Variants in ITPRIPL2 observed in about 807,000 individuals in gnomAD.
ITPRIPL2 encodes ITPRIP like 2.
In ITPRIPL2, 29 loss-of-function variants were observed where a neutral mutation model predicts 31.7. The observed-to-expected ratio is 0.91, with a 90% CI of 0.68 to 1.25. The LOEUF is 1.25. Among genes scored for constraint, ITPRIPL2 ranks in the 50% most tolerant of loss-of-function variants. The probability of loss-of-function intolerance (pLI) is 0.00; values close to 1 mark genes in which losing one functional copy is unlikely to be tolerated. For missense variants in ITPRIPL2, 696 were observed against 739.1 expected (o/e 0.94, Z 0.68); for synonymous variants, 344 against 343.4 (o/e 1.00, Z -0.02).
Position 19,119,356 on chromosome 16 carries a change from G to C in ITPRIPL2, c.*3287G>C. Reference sequence around the variant, plus strand: ...TTAGTGCTATTTCCAACCAGGGGTCGCAAACTCAGCAGCCTGTAGAAACAG... The same window carrying C: ...TTAGTGCTATTTCCAACCAGGGGTCCCAAACTCAGCAGCCTGTAGAAACAG... On this transcript the variant is annotated 3_prime_UTR_variant, in exon 1 of 1. Coordinates refer to ENST00000381440, the MANE Select transcript of ITPRIPL2 (RefSeq NM_001034841.4). The C allele has an allele frequency of 3.7e-6, 1 of 267,660 alleles. No individual in the cohort carries two copies. The highest frequency in any genetic ancestry group is 7.0e-5 in the East Asian group (1 of 14,218). 16.6% of individuals were successfully genotyped at this position (267,660 alleles called of 1,614,324 possible). A position where few individuals can be genotyped will look rare whatever the true frequency, so the allele number is the denominator to read the frequency against.
Position 19,114,975 on chromosome 16 carries a change from G to A in ITPRIPL2, c.514G>A (p.Asp172Asn), listed in dbSNP as rs1325570480. 1 of 1,602,000 alleles carries A rather than the reference G, an allele frequency of 6.2e-7. No homozygotes were observed. The highest frequency in any genetic ancestry group is 1.1e-5 in the South Asian group (1 of 91,068). The change falls in exon 1 of 1, where the codon GAC becomes AAC. Residue 172 changes from aspartate to asparagine, a missense_variant. Asp to Asn is a conservative substitution (Grantham distance 23, BLOSUM62 1). Coordinates refer to ENST00000381440, the MANE Select transcript of ITPRIPL2 (RefSeq NM_001034841.4). Reference protein sequence around the residue: ...AYEQHKIRRPDSFDVLVPLRL... With the variant: ...AYEQHKIRRPNSFDVLVPLRL... ...CGAGCAACATAAAATCCGCCGGCCC[G>A]ACAGCTTCGACGTGCTGGTGCCACT...
chr16:19,115,385 T>A lies in ITPRIPL2; in HGVS notation c.924T>A (p.Arg308=). 6.2e-7 allele frequency: 1 copy of A among 1,613,002 alleles called. No homozygotes were observed. Among genetic ancestry groups the A allele is most frequent in the South Asian group, 1.1e-5 (1 of 91,084 alleles). The change falls in exon 1 of 1, where the codon CGT becomes CGA. Residue 308 remains arginine (R), a synonymous_variant. Transcript: ENST00000381440. ...GCTGCCGCCTTTCTATGGCTGTGCG[T>A]CTCATCCCCGCTGTCCATCTGGGAG... ...YGCCRLSMAV[R]LIPAVHLGDG...
chr16:19,114,382 G>C lies in ITPRIPL2; in HGVS notation c.-80G>C, dbSNP rs1310372779. On this transcript the variant is annotated 5_prime_UTR_variant, in exon 1 of 1. Coordinates refer to ENST00000381440, the MANE Select transcript of ITPRIPL2 (RefSeq NM_001034841.4). ...ACGGGGACAGCGGGGCTGCCCGGGC[G>C]CTGTGCGCATGCTGGGCTTGGGTCG... 2 of 1,100,124 alleles carry C rather than the reference G, an allele frequency of 1.8e-6. No homozygotes were observed. The highest frequency in any genetic ancestry group is 6.4e-5 in the East Asian group (2 of 31,042). 68.1% of individuals were successfully genotyped at this position (1,100,124 alleles called of 1,614,324 possible).
In ITPRIPL2 at chr16:19,118,342, G is replaced by C. The variant is rs983439890; in HGVS notation, c.*2273G>C. 1 of 165,112 alleles carries C rather than the reference G, an allele frequency of 6.1e-6. No homozygotes were observed. Among genetic ancestry groups the C allele is most frequent in the Non-Finnish European group, 1.5e-5 (1 of 68,172 alleles). The allele number at this position is 165,112 out of a possible 1,614,324, so 10.2% of individuals were successfully genotyped here. A position where few individuals can be genotyped will look rare whatever the true frequency, so the allele number is the denominator to read the frequency against. On this transcript the variant is annotated 3_prime_UTR_variant, in exon 1 of 1. Coordinates refer to ENST00000381440, the MANE Select transcript of ITPRIPL2 (RefSeq NM_001034841.4). ...TAGCTGGGCGTGGTGGCGGGCGCCT[G>C]TAATCCCAGATACTCGGGAGGCTAA...
rs532599892 is a variant in ITPRIPL2, at chr16:19,117,123, C to G, written c.*1054C>G. The G allele has an allele frequency of 3.6e-5, 6 of 167,250 alleles. No homozygotes were observed. In the East Asian group the frequency reaches 9.6e-4, roughly 27 times the overall value. 10.4% of individuals were successfully genotyped at this position (167,250 alleles called of 1,614,324 possible). A position where few individuals can be genotyped will look rare whatever the true frequency, so the allele number is the denominator to read the frequency against. On this transcript the variant is annotated 3_prime_UTR_variant, in exon 1 of 1. Coordinates refer to ENST00000381440, the MANE Select transcript of ITPRIPL2 (RefSeq NM_001034841.4). ...AACTTTTTTGTTTTAAGGTTTTTAG[C>G]AAACTCCTTCACAAAGAGATTTCTT...
At position 19,119,114 on chromosome 16, in the gene ITPRIPL2, G is replaced by T. The variant is rs992541930; in HGVS notation, c.*3045G>T. Reference sequence around the variant, plus strand: ...ACCCTTTGGTAACTCCCACTGACCAGTCTTGGGAGCCTTCCTGGAATGATC... The same window carrying T: ...ACCCTTTGGTAACTCCCACTGACCATTCTTGGGAGCCTTCCTGGAATGATC... On this transcript the variant is annotated 3_prime_UTR_variant, in exon 1 of 1. Coordinates refer to ENST00000381440, the MANE Select transcript of ITPRIPL2 (RefSeq NM_001034841.4). 3.9e-5 allele frequency: 16 copies of T among 413,382 alleles called. No individual in the cohort carries two copies. Among genetic ancestry groups the T allele is most frequent in the African/African-American group, 3.1e-4 (15 of 48,632 alleles). 25.6% of individuals were successfully genotyped at this position (413,382 alleles called of 1,614,324 possible).
In ITPRIPL2 at chr16:19,115,060, C is replaced by G; in HGVS notation, c.599C>G (p.Ala200Gly). The stretch of plus-strand genomic sequence containing the variant: ...AGCCTGGGCGAGGAGCCAGCGCTGG[C>G]CCCGGCCTTCCGCGGCTGCTTCTTG... ...PRSLGEEPAL[A>G]PAFRGCFLCA... Residue 200 changes from alanine to glycine, a missense_variant, in exon 1 of 1, where the codon GCC becomes GGC. Ala to Gly is a moderately conservative substitution (Grantham distance 60). Transcript: ENST00000381440. The G allele has an allele frequency of 6.3e-7, 1 of 1,598,210 alleles. No homozygotes were observed. The highest frequency in any genetic ancestry group is 8.5e-7 in the Non-Finnish European group (1 of 1,179,140).
chr16:19,115,652 G>T lies in ITPRIPL2; in HGVS notation c.1191G>T (p.Gln397His). The change falls in exon 1 of 1, where the codon CAG becomes CAT. Residue 397 changes from glutamine to histidine, a missense_variant. Transcript: ENST00000381440. ...ARGLDSAAATQWGRILSSYVL... is the reference protein window; with the variant it reads ...ARGLDSAAATHWGRILSSYVL... ...GGCTGGACTCAGCGGCCGCCACCCA[G>T]TGGGGACGCATCCTATCCTCATATG... The T allele has an allele frequency of 3.7e-6, 6 of 1,611,356 alleles. No individual in the cohort carries two copies. The highest frequency in any genetic ancestry group is 5.1e-6 in the Non-Finnish European group (6 of 1,179,458).
rs1963444822 is a variant in ITPRIPL2, at chr16:19,116,344, G to A, written c.*275G>A. The A allele has an allele frequency of 2.5e-6, 1 of 400,154 alleles. No homozygotes were observed. The allele number at this position is 400,154 out of a possible 1,614,324, so 24.8% of individuals were successfully genotyped here. On this transcript the variant is annotated 3_prime_UTR_variant, in exon 1 of 1. Coordinates refer to ENST00000381440, the MANE Select transcript of ITPRIPL2 (RefSeq NM_001034841.4). The stretch of plus-strand genomic sequence containing the variant: ...GGTTCAAATATTGTTCTGTGTAGAC[G>A]GATTCTGTAGAAGGATGTGGCTTTT...
Position 19,118,633 on chromosome 16 carries a change from C to A in ITPRIPL2, c.*2564C>A. The stretch of plus-strand genomic sequence containing the variant: ...GTTAATTACCCAAAGCCTCATCCAT[C>A]CTCAAGGTTTTTAAATTTTATTTTT... On this transcript the variant is annotated 3_prime_UTR_variant, in exon 1 of 1. Coordinates refer to ENST00000381440, the MANE Select transcript of ITPRIPL2 (RefSeq NM_001034841.4). The A allele has an allele frequency of 5.4e-6, 1 of 186,290 alleles. No individual in the cohort carries two copies. Among genetic ancestry groups the A allele is most frequent in the Non-Finnish European group, 1.2e-5 (1 of 81,208 alleles). 11.5% of individuals were successfully genotyped at this position (186,290 alleles called of 1,614,324 possible). A position where few individuals can be genotyped will look rare whatever the true frequency, so the allele number is the denominator to read the frequency against.
At position 19,117,158 on chromosome 16, in the gene ITPRIPL2, A is replaced by G. The variant is rs997748680; in HGVS notation, c.*1089A>G. On this transcript the variant is annotated 3_prime_UTR_variant, in exon 1 of 1. Transcript: ENST00000381440. ...CACAAAGAGATTTCTTTCTGAGCTT[A>G]ATGAGCTAATGAAGAGGAAATGCCT... 1.8e-5 allele frequency: 3 copies of G among 167,154 alleles called. No individual in the cohort carries two copies. Among genetic ancestry groups the G allele is most frequent in the Admixed American group, 6.5e-5 (1 of 15,290 alleles). The allele number at this position is 167,154 out of a possible 1,614,324, so 10.4% of individuals were successfully genotyped here.
Position 19,115,463 on chromosome 16 carries a change from G to A in ITPRIPL2, c.1002G>A (p.Leu334=). The A allele has an allele frequency of 2.5e-6, 4 of 1,608,812 alleles. No homozygotes were observed. Among genetic ancestry groups the A allele is most frequent in the Non-Finnish European group, 3.4e-6 (4 of 1,179,956 alleles). The change falls in exon 1 of 1, where the codon CTG becomes CTA. Residue 334 remains leucine, a synonymous_variant. Transcript: ENST00000381440. ...PPPPPLPSAP[L]LELPEGLRAE... ...CGCCACCCTTGCCCAGCGCGCCCCT[G>A]TTGGAGCTCCCTGAGGGCCTGCGTG...
Position 19,114,708 on chromosome 16 carries a change from G to A in ITPRIPL2, c.247G>A (p.Gly83Ser). 2.5e-6 allele frequency: 4 copies of A among 1,612,732 alleles called. No homozygotes were observed. The highest frequency in any genetic ancestry group is 3.4e-6 in the Non-Finnish European group (4 of 1,179,872). The change falls in exon 1 of 1, where the codon GGT becomes AGT. Residue 83 changes from glycine (G) to serine (S), a missense_variant. Transcript: ENST00000381440. ...RFLPGSPRLE[G>S]HAAFSSRHFR... ...CCTGCCCGGGTCTCCCCGTCTGGAG[G>A]GTCACGCCGCCTTCTCCTCGAGACA...
rs527763797 is a variant in ITPRIPL2 at position 19,120,757 on chromosome 16, C to T, written c.*4688C>T. On this transcript the variant is annotated 3_prime_UTR_variant, in exon 1 of 1. Transcript: ENST00000381440. ...GGGATTACAGGTGTGAGTGAGCCAC[C>T]GCGGCCGGCCTCTATCATTTTCTGA... The T allele has an allele frequency of 2.3e-4, 39 of 166,022 alleles. No individual in the cohort carries two copies. Among genetic ancestry groups the T allele is most frequent in the African/African-American group, 5.1e-4 (21 of 41,330 alleles). The allele number at this position is 166,022 out of a possible 1,614,324, so 10.3% of individuals were successfully genotyped here.
rs1259067072 is a variant in ITPRIPL2, at chr16:19,114,687, C to T, written c.226C>T (p.Pro76Ser). The T allele has an allele frequency of 1.2e-6, 2 of 1,612,268 alleles. No individual in the cohort carries two copies. The highest frequency in any genetic ancestry group is 2.2e-5 in the South Asian group (2 of 91,002). The change falls in exon 1 of 1, where the codon CCC becomes TCC. Residue 76 changes from proline (P) to serine (S), a missense_variant. By Grantham distance (74) the Pro-to-Ser change is moderately conservative (BLOSUM62 -1). Coordinates refer to ENST00000381440, the MANE Select transcript of ITPRIPL2 (RefSeq NM_001034841.4). The stretch of plus-strand genomic sequence containing the variant: ...CCACGCTGTCCGGCAGCGCTTCCTG[C>T]CCGGGTCTCCCCGTCTGGAGGGTCA... Reference protein sequence around the residue: ...CRHAVRQRFLPGSPRLEGHAA... With the variant: ...CRHAVRQRFLSGSPRLEGHAA...
rs1326029440 is a variant in ITPRIPL2 at position 19,114,811 on chromosome 16, G to A, written c.350G>A (p.Gly117Asp). ...HEVRLSPHVLGHSKAHVSRIV... is the reference protein window; with the variant it reads ...HEVRLSPHVLDHSKAHVSRIV... ...GTGCGCCTGTCTCCGCACGTGTTGG[G>A]CCACAGCAAGGCGCACGTGAGCCGG... Residue 117 changes from glycine (G) to aspartate (D), a missense_variant, in exon 1 of 1, where the codon GGC (glycine) becomes GAC (aspartate). By Grantham distance (94) the Gly-to-Asp change is moderately conservative. Coordinates refer to ENST00000381440, the MANE Select transcript of ITPRIPL2 (RefSeq NM_001034841.4). 2 of 1,609,030 alleles carry A rather than the reference G, an allele frequency of 1.2e-6. No individual in the cohort carries two copies. Among genetic ancestry groups the A allele is most frequent in the Non-Finnish European group, 1.7e-6 (2 of 1,178,298 alleles).
rs992928433 is a variant in ITPRIPL2, at chr16:19,119,397, G to A, written c.*3328G>A. On this transcript the variant is annotated 3_prime_UTR_variant, in exon 1 of 1. Transcript: ENST00000381440. ...GTAGAAACAGGGGTGGGAGGTGGGG[G>A]GGAAGCTGTGCCCACCTTTAAAGAG... The A allele has an allele frequency of 2.1e-4, 49 of 235,922 alleles. No homozygotes were observed. The highest frequency in any genetic ancestry group is 1.1e-3 in the African/African-American group (48 of 44,038). The allele number at this position is 235,922 out of a possible 1,614,324, so 14.6% of individuals were successfully genotyped here.
Position 19,119,543 on chromosome 16 carries a change from A to T in ITPRIPL2, c.*3474A>T, listed in dbSNP as rs1963487307. 6.0e-6 allele frequency: 1 copy of T among 167,360 alleles called. No individual in the cohort carries two copies. Among genetic ancestry groups the T allele is most frequent in the African/African-American group, 2.4e-5 (1 of 41,432 alleles). 10.4% of individuals were successfully genotyped at this position (167,360 alleles called of 1,614,324 possible). On this transcript the variant is annotated 3_prime_UTR_variant, in exon 1 of 1. Transcript: ENST00000381440. ...TAATTAAAAAAATGTCCAAAACACC[A>T]TGTGGGCCAAACATTTGTTTGAGCC...
Position 19,119,355 on chromosome 16 carries a change from C to G in ITPRIPL2, c.*3286C>G, listed in dbSNP as rs548884576. On this transcript the variant is annotated 3_prime_UTR_variant, in exon 1 of 1. Transcript: ENST00000381440. ...TTTAGTGCTATTTCCAACCAGGGGT[C>G]GCAAACTCAGCAGCCTGTAGAAACA... The G allele has an allele frequency of 4.3e-5, 12 of 279,762 alleles. No individual in the cohort carries two copies. The South Asian group carries it at 1.9e-3, about 44-fold the overall frequency. The allele number at this position is 279,762 out of a possible 1,614,324, so 17.3% of individuals were successfully genotyped here. A position where few individuals can be genotyped will look rare whatever the true frequency, so the allele number is the denominator to read the frequency against.
Sources: allele counts gnomAD v4.1 joint callset, GRCh38; gene constraint gnomAD v4.1.1; transcripts MANE v1.5; gene names NCBI Gene and HGNC (gene_info 2026-07-23, HGNC 2026-07-21).